Variants in GNL3L observed in about 807,000 individuals in gnomAD.
GNL3L encodes G protein nucleolar 3 like.
In GNL3L, 4 loss-of-function variants were observed where a neutral mutation model predicts 42.9. That is an observed-to-expected ratio of 0.09 (90% CI 0.05 to 0.21). The LOEUF (loss-of-function observed/expected upper bound fraction) is 0.21, where lower values mean the gene tolerates loss of function less well. Among genes scored for constraint, GNL3L ranks in the 10% least tolerant of loss-of-function variants. The pLI is 1.00. For missense variants in GNL3L, 412 were observed against 481.7 expected (o/e 0.86, Z 1.36); for synonymous variants, 159 against 176.3 (o/e 0.90, Z 0.78).
chrX:54,632,463 T>A, the GNL3L span, among the ~76,000 whole-genome samples: 2 of 111,666 alleles, frequency 1.8e-5, no homozygotes, highest in South Asian at 7.4e-4. Flanking sequence ...TTTGTTCTTT[T>A]TTGGATTTTT....
the GNL3L span, among the ~76,000 whole-genome samples, chrX:54,632,299 G>T: frequency 9.0e-6 from 1 of 111,359 alleles, no homozygotes; most frequent in African/African-American, 3.3e-5. Context: ...TGAGTCTCTT[G>T]TATTTGGATG....
chrX:54,630,937 G>A, the GNL3L span, among the ~76,000 whole-genome samples: 1 of 106,372 alleles, frequency 9.4e-6, no homozygotes, highest in Non-Finnish European at 1.9e-5. Context: ...CTCCTGAGTA[G>A]CTGGGATTAC....
At chrX:54,620,300 C>G (rs1005660668) in intron 16 of GNL3L, among the ~76,000 whole-genome samples, 5 of 111,242 alleles carry the variant, frequency 4.5e-5, no homozygotes, top group Non-Finnish European at 9.4e-5. Flanking sequence ...TTACCCTTCC[C>G]AGCTTCTGGT....
intron 16 of GNL3L, among the ~76,000 whole-genome samples, chrX:54,612,460 A>G (rs1569542673): frequency 9.0e-6 from 1 of 111,367 alleles, no homozygotes; most frequent in Admixed American, 9.6e-5. Flanking sequence ...TTTGTTGCCC[A>G]TGTACTTTGA....
chrX:54,551,452 T>G, intron 10 of GNL3L, 116 bp from the exon 11 acceptor site: 1 of 559,062 alleles, frequency 1.8e-6, no homozygotes, highest in Non-Finnish European at 3.0e-6. Flanking sequence ...CTCTCCACCT[T>G]CGTCTCTAAT....
Position 54,563,657 on chromosome X carries a change from A to G in GNL3L, c.*3055A>G, listed in dbSNP as rs941958566. 1.3e-4 allele frequency among the ~76,000 whole-genome samples: 14 copies of G among 108,076 alleles called. No homozygotes were observed. The highest frequency in any genetic ancestry group is 2.5e-4 in the Non-Finnish European group (13 of 52,828). 93.9% of individuals were successfully genotyped at this position (108,076 alleles called of 115,157 possible). ...AAAGATTAGCTGGGCATGGTGTCTC[A>G]TGCCTGTAGTCCCAGCTACCTATGG... On this transcript the variant is annotated 3_prime_UTR_variant, in exon 16 of 16. Transcript: ENST00000360845.
At chrX:54,622,275 T>A (rs1031331027), downstream of GNL3L, among the ~76,000 whole-genome samples, 1 of 56,280 alleles carries the variant, frequency 1.8e-5, no homozygotes, top group Admixed American at 1.6e-4. Flanking sequence ...TTGCAGGAAT[T>A]TTTTTTTTTT....
the GNL3L span, among the ~76,000 whole-genome samples, chrX:54,630,967 C>T: frequency 7.2e-4 from 77 of 106,541 alleles, no homozygotes; most frequent in Non-Finnish European, 7.7e-4. Flanking sequence ...TCACCACTCC[C>T]GGCTAATTTT....
downstream of GNL3L, among the ~76,000 whole-genome samples, chrX:54,571,900 G>T (rs955890788): frequency 8.3e-5 from 9 of 108,911 alleles, no homozygotes; most frequent in Non-Finnish European, 1.1e-4. Flanking sequence ...ATTTTAAGCT[G>T]CCTGAAGTTG....
chrX:54,572,937 C>A (rs1378046513), intron 16 of GNL3L, among the ~76,000 whole-genome samples: 1 of 108,548 alleles, frequency 9.2e-6, no homozygotes, highest in Non-Finnish European at 1.9e-5. Context: ...CTCCCCACAT[C>A]CCAGACGATG....
At chrX:54,605,460 C>T (rs1190543874) in intron 16 of GNL3L, among the ~76,000 whole-genome samples, 3 of 111,437 alleles carry the variant, frequency 2.7e-5, no homozygotes, top group Non-Finnish European at 5.7e-5. Context: ...TTGGCCCCAT[C>T]TTCGGCCCCC....
rs372716295 is a variant in GNL3L at position 54,541,661 on chromosome X, C to T, written c.306+272C>T. The stretch of plus-strand genomic sequence containing the variant: ...CTGGGGCTGGTGGCGGAGTTGGGGG[C>T]TGGGAGAGTTACATGTGACCAGGGG... On this transcript the variant is annotated intron_variant, in intron 5 of 15. Coordinates refer to ENST00000360845, the MANE Select transcript of GNL3L (RefSeq NM_001184819.2). Among the ~76,000 whole-genome samples the T allele has an allele frequency of 2.8e-4, 31 of 108,883 alleles. 1 individual carries two copies. In the South Asian group the frequency reaches 4.8e-3, roughly 17 times the overall value. The allele number at this position is 108,883 out of a possible 115,157, so 94.6% of individuals were successfully genotyped here. A position where few individuals can be genotyped will look rare whatever the true frequency, so the allele number is the denominator to read the frequency against.
rs1215446981 is a variant in GNL3L, at chrX:54,566,872, C to T, written c.*6270C>T. On this transcript the variant is annotated 3_prime_UTR_variant, in exon 16 of 16. Coordinates refer to ENST00000360845, the MANE Select transcript of GNL3L (RefSeq NM_001184819.2). ...CACTGTAGCTTCGACCTCCTGGGCT[C>T]AAGCGAACCTCCCACCTCCGCCTCT... 9.0e-6 allele frequency among the ~76,000 whole-genome samples: 1 copy of T among 111,727 alleles called. No individual in the cohort carries two copies. The highest frequency in any genetic ancestry group is 1.9e-5 in the Non-Finnish European group (1 of 53,159).
intron 16 of GNL3L, among the ~76,000 whole-genome samples, chrX:54,608,725 A>G (rs900114336): frequency 2.7e-5 from 3 of 112,165 alleles, no homozygotes; most frequent in South Asian, 3.7e-4. Flanking sequence ...TCATATATAC[A>G]TATACCACAG....
At chrX:54,628,153 G>A in the GNL3L span, among the ~76,000 whole-genome samples, 25,830 of 109,186 alleles carry the variant, frequency 0.24, 5,597 homozygotes, top group African/African-American at 0.7. Flanking sequence ...CTCCAACTCC[G>A]TCCAGGTTGC....
chrX:54,635,645 G>A, the GNL3L span, among the ~76,000 whole-genome samples: 3 of 108,563 alleles, frequency 2.8e-5, no homozygotes, highest in Non-Finnish European at 3.8e-5. Context: ...TAGGAAGACC[G>A]TTTTTTTGTG....
intron 15 of GNL3L, among the ~76,000 whole-genome samples, chrX:54,560,264 A>G (rs1925220987): frequency 8.9e-6 from 1 of 112,144 alleles, no homozygotes; most frequent in Non-Finnish European, 1.9e-5. Flanking sequence ...GGACAAAAAT[A>G]CTTGGAGCCC....
At chrX:54,624,433 T>G (rs867144871), downstream of GNL3L, among the ~76,000 whole-genome samples, 2 of 99,571 alleles carry the variant, frequency 2.0e-5, no homozygotes, top group Admixed American at 2.1e-4. Context: ...TTTTTTTTTC[T>G]TTTTCTTTTT....
intron 14 of GNL3L, 60 bp downstream of exon 14, chrX:54,554,752 C>A: frequency 1.9e-6 from 2 of 1,069,681 alleles, no homozygotes; most frequent in South Asian, 1.9e-5. Context: ...GGGAAGTGGT[C>A]AATCCCTTTT....
Sources: allele counts gnomAD v4.1 joint callset (sites outside exome capture counted in the v4.1 genomes callset), GRCh38; gene constraint gnomAD v4.1.1; transcripts MANE v1.5; gene names NCBI Gene and HGNC (gene_info 2026-07-23, HGNC 2026-07-21).